The following DOCK8 variants were observed in gnomAD, a reference collection of about 807,000 sequenced individuals.
DOCK8 encodes the protein dedicator of cytokinesis 8, also known as dedicator of cytokinesis protein 8.
A neutral mutation model predicts 245.6 loss-of-function variants in DOCK8; 141 were observed. The ratio of observed to expected loss-of-function variants is 0.57; its 90% CI spans 0.50 to 0.66. The LOEUF (loss-of-function observed/expected upper bound fraction) is 0.66, where lower values mean the gene tolerates loss of function less well. DOCK8 is among the 30% of genes least tolerant of loss of function. The pLI, the probability that DOCK8 is intolerant of heterozygous loss-of-function variation, is 0.00. For missense variants in DOCK8, 2,965 were observed against 2,603.4 expected, an observed-to-expected ratio of 1.14 and a Z score of -3.02; for synonymous variants, 1,168 against 970.2, an observed-to-expected ratio of 1.20 and a Z score of -3.79.
chr9:324,018 C>T (rs1350537522), intron 7 of DOCK8, among the ~76,000 whole-genome samples: 1 of 152,204 alleles, frequency 6.6e-6, no homozygotes. Context: ...ACGTGATCCT[C>T]ACAACAACCA....
chr9:406,192 A>G (rs1284193457), intron 27 of DOCK8, among the ~76,000 whole-genome samples: 1 of 152,200 alleles, frequency 6.6e-6, no homozygotes, highest in Non-Finnish European at 1.5e-5. Flanking sequence ...TGCTTAAGCC[A>G]AATTCAGAAG....
chr9:432,054 G>C lies in DOCK8; in HGVS notation c.4627-112G>C, dbSNP rs541129609. The C allele has an allele frequency of 2.0e-5, 22 of 1,074,704 alleles. No homozygotes were observed. The African/African-American group carries it at 3.0e-4, about 15-fold the overall frequency. The allele number at this position is 1,074,704 out of a possible 1,614,324, so 66.6% of individuals were successfully genotyped here. On this transcript the variant is annotated intron_variant, in intron 36 of 47. Transcript: ENST00000432829. ...TGAGAGAAGAGGAAATAATTAAGACGGGGCAAAGGAAACACTGAGGAGTTG... is the reference window on the plus strand; with the variant it reads ...TGAGAGAAGAGGAAATAATTAAGACCGGGCAAAGGAAACACTGAGGAGTTG...
intron 12 of DOCK8, 33 bp from the exon 13 acceptor site, chr9:338,973 C>T (rs1233321910): frequency 6.4e-7 from 1 of 1,572,298 alleles, no homozygotes; most frequent in Non-Finnish European, 8.8e-7. Context: ...GTCAAAGGTG[C>T]ATCTACATTA....
intron 1 of DOCK8, among the ~76,000 whole-genome samples, chr9:252,403 A>G (rs1355443869): frequency 6.6e-6 from 1 of 152,198 alleles, no homozygotes; most frequent in Admixed American, 6.5e-5. Flanking sequence ...GTAGATGATT[A>G]TGCAAGATTT....
chr9:276,699 T>C (rs2048360829), intron 2 of DOCK8, among the ~76,000 whole-genome samples: 1 of 152,236 alleles, frequency 6.6e-6, no homozygotes, highest in South Asian at 2.1e-4. Context: ...CACAGCTGTG[T>C]GAATAGATTA....
At chr9:249,600 T>A (rs1387786383) in intron 1 of DOCK8, among the ~76,000 whole-genome samples, 2 of 152,130 alleles carry the variant, frequency 1.3e-5, no homozygotes, top group African/African-American at 4.8e-5. Context: ...TACTCTTTTC[T>A]TATTTTTTAA....
chr9:432,962 A>G (rs1222221787), intron 37 of DOCK8, among the ~76,000 whole-genome samples: 5 of 152,224 alleles, frequency 3.3e-5, no homozygotes, highest in African/African-American at 7.2e-5. Context: ...TCCAGCTCCT[A>G]GCCTGCTCTA....
At chr9:411,400 C>T (rs140302225) in intron 28 of DOCK8, among the ~76,000 whole-genome samples, 183 of 147,032 alleles carry the variant, frequency 1.2e-3, no homozygotes, top group Admixed American at 8.2e-3. Flanking sequence ...GCAACAAGAG[C>T]AAAACTCCAT....
chr9:297,697 C>T (rs1026255764), intron 4 of DOCK8, among the ~76,000 whole-genome samples: 4 of 152,140 alleles, frequency 2.6e-5, no homozygotes, highest in Admixed American at 2.6e-4. Flanking sequence ...AATGAGTCAT[C>T]TTTACATGTT....
intron 1 of DOCK8, 64 bp from the exon 2 acceptor site, chr9:271,563 A>G (rs974834067): frequency 8.0e-7 from 1 of 1,251,278 alleles, no homozygotes; most frequent in Non-Finnish European, 1.1e-6. Context: ...CAAAGATTGC[A>G]TCTAAAATTG....
chr9:231,951 A>G (rs1345900417), intron 1 of DOCK8, among the ~76,000 whole-genome samples: 1 of 152,174 alleles, frequency 6.6e-6, no homozygotes. Flanking sequence ...AGGAGGTGAG[A>G]GAGGACATCC....
At chr9:456,008 C>T (rs898806087) in intron 46 of DOCK8, among the ~76,000 whole-genome samples, 12 of 152,184 alleles carry the variant, frequency 7.9e-5, no homozygotes, top group Admixed American at 6.5e-4. Flanking sequence ...GACAAGGCTA[C>T]AGACAAAACA....
chr9:244,448 C>T (rs1287241656), intron 1 of DOCK8, among the ~76,000 whole-genome samples: 1 of 151,982 alleles, frequency 6.6e-6, no homozygotes, highest in Non-Finnish European at 1.5e-5. Flanking sequence ...CAGACTCCCC[C>T]TTTTATACGC....
In DOCK8 at chr9:331,572, C is replaced by A. The variant is rs184031083; in HGVS notation, c.1045-826C>A. On this transcript the variant is annotated intron_variant, in intron 9 of 47. Coordinates refer to ENST00000432829, the MANE Select transcript of DOCK8 (RefSeq NM_203447.4). ...TCAAGGATCATCTCAACTGATGGGA[C>A]TAAATCCACTGGTTTTACTCTTCAA... 4.1e-3 allele frequency among the ~76,000 whole-genome samples: 631 copies of A among 152,300 alleles called. 2 individuals are homozygous for A. The highest frequency in any genetic ancestry group is 6.3e-3 in the Non-Finnish European group (430 of 68,020).
intron 17 of DOCK8, 21 bp downstream of exon 17, chr9:371,587 TG>T (rs1354501785): frequency 4.3e-6 from 7 of 1,613,944 alleles, no homozygotes; most frequent in Non-Finnish European, 5.9e-6. Context: ...TCCAGCCTGC[TG>T]ACTCACACTG....
chr9:311,662 A>G (rs1181660028), intron 5 of DOCK8, among the ~76,000 whole-genome samples: 2 of 152,208 alleles, frequency 1.3e-5, no homozygotes, highest in Non-Finnish European at 2.9e-5. Flanking sequence ...GAACAAGCCA[A>G]CAACCGATAG....
intron 2 of DOCK8, among the ~76,000 whole-genome samples, chr9:278,396 A>C (rs1044045744): frequency 6.6e-6 from 1 of 152,244 alleles, no homozygotes; most frequent in Non-Finnish European, 1.5e-5. Context: ...TCGTTTTAGA[A>C]ATATGTATTG....
At chr9:303,748 A>G (rs1003495490) in intron 4 of DOCK8, among the ~76,000 whole-genome samples, 2 of 152,228 alleles carry the variant, frequency 1.3e-5, no homozygotes, top group Non-Finnish European at 2.9e-5. Flanking sequence ...AGTGACATGC[A>G]ATTTACCCAT....
intron 4 of DOCK8, among the ~76,000 whole-genome samples, chr9:304,334 G>A (rs1301965230): frequency 1.3e-5 from 2 of 152,140 alleles, no homozygotes; most frequent in Non-Finnish European, 2.9e-5. Context: ...CCTCTGAAGT[G>A]GCATTTTCCC....
Sources: allele counts gnomAD v4.1 joint callset (sites outside exome capture counted in the v4.1 genomes callset), GRCh38; gene constraint gnomAD v4.1.1; transcripts MANE v1.5; gene names NCBI Gene and HGNC (gene_info 2026-07-23, HGNC 2026-07-21).